TMEM260: variants seen among roughly 807,000 people sequenced by gnomAD.
TMEM260 encodes transmembrane protein 260.
In TMEM260, 82 loss-of-function variants were observed where a neutral mutation model predicts 88.9. The observed-to-expected ratio is 0.92, with a 90% CI of 0.77 to 1.11. The LOEUF (loss-of-function observed/expected upper bound fraction) is 1.11. Among genes scored for constraint, TMEM260 ranks in the 50% least tolerant of loss-of-function variants. The pLI, the probability that TMEM260 is intolerant of heterozygous loss-of-function variation, is 0.00. For synonymous variants in TMEM260, 314 were observed against 309.3 expected, an observed-to-expected ratio of 1.02 and a Z score of -0.16; for missense variants, 902 against 853.4, an observed-to-expected ratio of 1.06 and a Z score of -0.71.
intron 3 of TMEM260, among the ~76,000 whole-genome samples, chr14:56,589,400 G>T (rs1885713079): frequency 1.3e-5 from 2 of 152,088 alleles, no homozygotes; most frequent in African/African-American, 4.8e-5. Context: ...TGAATTGAAA[G>T]TAAAGCTCTT....
intron 12 of TMEM260, among the ~76,000 whole-genome samples, chr14:56,630,674 C>T (rs912067513): frequency 3.3e-5 from 5 of 152,102 alleles, no homozygotes; most frequent in African/African-American, 1.2e-4. Context: ...TTTGTGTCAT[C>T]TTAGAATAGA....
chr14:56,644,773 A>C (rs1228717923), intron 15 of TMEM260, among the ~76,000 whole-genome samples: 1 of 152,226 alleles, frequency 6.6e-6, no homozygotes, highest in Non-Finnish European at 1.5e-5. Context: ...AATATCCAGA[A>C]TCTACAATGA....
chr14:56,627,989 T>C (rs530442984), intron 12 of TMEM260, among the ~76,000 whole-genome samples: 4 of 152,368 alleles, frequency 2.6e-5, no homozygotes, highest in Admixed American at 1.3e-4. Context: ...GAGTGTCATA[T>C]AAATAGAATC....
chr14:56,656,384 A>G, the TMEM260 span, among the ~76,000 whole-genome samples: 9 of 151,086 alleles, frequency 6.0e-5, no homozygotes, highest in African/African-American at 2.2e-4. Flanking sequence ...GTGCCACTGC[A>G]CTCCAGCCTG....
chr14:56,614,170 A>G (rs772068528), intron 7 of TMEM260, among the ~76,000 whole-genome samples: 3 of 150,726 alleles, frequency 2.0e-5, no homozygotes, highest in Non-Finnish European at 3.0e-5. Flanking sequence ...CGGCCTCCCA[A>G]AGTGCTGGGA....
chr14:56,590,450 T>G (rs1326754183), intron 3 of TMEM260, among the ~76,000 whole-genome samples: 1 of 152,218 alleles, frequency 6.6e-6, no homozygotes, highest in East Asian at 1.9e-4. Context: ...GGTGGGCCGC[T>G]TCACCTTTTC....
intron 12 of TMEM260, among the ~76,000 whole-genome samples, chr14:56,629,995 T>C (rs1015584944): frequency 6.6e-6 from 1 of 151,752 alleles, no homozygotes; most frequent in African/African-American, 2.4e-5. Context: ...GAGCTATGAT[T>C]GTGCCACTGC....
Position 56,638,984 on chromosome 14 carries a change from A to C in TMEM260, c.1869+2386A>C, listed in dbSNP as rs2139643590. Among the ~76,000 whole-genome samples the C allele has an allele frequency of 2.0e-5, 3 of 152,316 alleles. No individual in the cohort carries two copies. The South Asian group carries it at 6.2e-4, about 32-fold the overall frequency. ...ACATGTGACTTAATAGGACATCTAA[A>C]ATAAGTTGATAATGTGTCAGTAACA... On this transcript the variant is annotated intron_variant, in intron 15 of 15. Coordinates refer to ENST00000261556, the MANE Select transcript of TMEM260 (RefSeq NM_017799.4).
chr14:56,587,723 A>G (rs965000797), intron 3 of TMEM260, among the ~76,000 whole-genome samples: 1 of 152,128 alleles, frequency 6.6e-6, no homozygotes, highest in Non-Finnish European at 1.5e-5. Context: ...TAATTTTAAT[A>G]TGAAAATACT....
intron 14 of TMEM260, among the ~76,000 whole-genome samples, chr14:56,636,204 C>G (rs952797543): frequency 6.6e-6 from 1 of 152,124 alleles, no homozygotes; most frequent in African/African-American, 2.4e-5. Context: ...GCAGGTTTCC[C>G]TTTTCCTGGC....
At chr14:56,639,129 A>G (rs186262800) in intron 15 of TMEM260, among the ~76,000 whole-genome samples, 2 of 152,270 alleles carry the variant, frequency 1.3e-5, no homozygotes, top group Admixed American at 6.5e-5. Flanking sequence ...GTTGGCATCT[A>G]TTTTGGACTT....
intron 15 of TMEM260, among the ~76,000 whole-genome samples, chr14:56,644,357 A>G (rs1033700279): frequency 5.9e-5 from 9 of 152,206 alleles, no homozygotes; most frequent in Non-Finnish European, 8.8e-5. Flanking sequence ...CCACATATCT[A>G]CAAATATCTG....
chr14:56,585,634 C>A, intron 2 of TMEM260, 127 bp from the exon 3 acceptor site: 1 of 858,048 alleles, frequency 1.2e-6, no homozygotes, highest in Non-Finnish European at 1.8e-6. Context: ...AACCACTATT[C>A]AAACATTTAG....
At chr14:56,652,399 G>A (rs565225566), downstream of TMEM260, among the ~76,000 whole-genome samples, 24 of 151,738 alleles carry the variant, frequency 1.6e-4, no homozygotes, top group African/African-American at 5.6e-4. Context: ...TTGAGAGGCT[G>A]AGGCAGGAGG....
chr14:56,636,621 G>T, intron 15 of TMEM260, 23 bp downstream of exon 15: 1 of 1,581,432 alleles, frequency 6.3e-7, no homozygotes, highest in Non-Finnish European at 8.7e-7. Flanking sequence ...TTTATATGTA[G>T]ATATAGATAT....
At position 56,595,369 on chromosome 14, in the gene TMEM260, A is replaced by G. The variant is rs545689817; in HGVS notation, c.345-8446A>G. Among the ~76,000 whole-genome samples the G allele has an allele frequency of 2.6e-5, 4 of 152,248 alleles. No homozygotes were observed. In the South Asian group the frequency reaches 8.3e-4, roughly 32 times the overall value. ...TTGGCTCAATAAAATATAAAATGGGAAATTTGATGTGTTTTGTTTGAAATT... is the reference window on the plus strand; with the variant it reads ...TTGGCTCAATAAAATATAAAATGGGGAATTTGATGTGTTTTGTTTGAAATT... On this transcript the variant is annotated intron_variant, in intron 3 of 15. Transcript: ENST00000261556.
chr14:56,654,108 C>T (rs1890258317), downstream of TMEM260, among the ~76,000 whole-genome samples: 1 of 152,114 alleles, frequency 6.6e-6, no homozygotes, highest in Non-Finnish European at 1.5e-5. Flanking sequence ...TGAACTTTCC[C>T]CCTCTCCTTC....
intron 3 of TMEM260, among the ~76,000 whole-genome samples, chr14:56,597,561 T>A (rs1471404224): frequency 6.6e-6 from 1 of 152,174 alleles, no homozygotes; most frequent in Non-Finnish European, 1.5e-5. Flanking sequence ...GATGAGGGGC[T>A]TATATTATGT....
intron 9 of TMEM260, 146 bp downstream of exon 9, chr14:56,617,443 G>A (rs1179471020): frequency 3.5e-6 from 2 of 570,178 alleles, no homozygotes; most frequent in East Asian, 6.1e-5. Context: ...TTGAATTATT[G>A]AGTCAATACA....
Sources: gnomAD v4.1 joint callset for allele counts (sites outside exome capture counted in the v4.1 genomes callset) on GRCh38, gnomAD v4.1.1 for gene constraint, MANE v1.5 for transcripts, NCBI Gene and HGNC (gene_info 2026-07-23, HGNC 2026-07-21) for gene names.